Variants in HAT1 observed in about 807,000 individuals in gnomAD.
HAT1 encodes histone acetyltransferase type B catalytic subunit.
In HAT1, 20 loss-of-function variants were observed where a neutral mutation model predicts 56.6. The ratio of observed to expected loss-of-function variants is 0.35; its 90% confidence interval spans 0.25 to 0.51. The LOEUF (loss-of-function observed/expected upper bound fraction) is 0.51, where lower values mean the gene tolerates loss of function less well. Ranked by LOEUF, HAT1 falls within the 20% of genes least tolerant of loss-of-function variation. The pLI is 0.95. For synonymous variants in HAT1, 146 were observed against 165.5 expected, an observed-to-expected ratio of 0.88 and a Z score of 0.91; for missense variants, 408 against 504.3, an observed-to-expected ratio of 0.81 and a Z score of 1.83.
Position 171,983,494 on chromosome 2 carries a change from A to G in HAT1, c.*142A>G. 4.3e-6 allele frequency: 2 copies of G among 470,328 alleles called. No homozygotes were observed. The highest frequency in any genetic ancestry group is 7.6e-6 in the Non-Finnish European group (2 of 261,538). 29.1% of individuals were successfully genotyped at this position (470,328 alleles called of 1,614,324 possible). ...TCTTTAGTTGAATATTTTCTTTTGG[A>G]GAGATTGTATATTTTAAAATACTGT... On this transcript the variant is annotated 3_prime_UTR_variant, in exon 11 of 11. Transcript: ENST00000264108.
At chr2:171,959,762 A>T (rs1687531947) in intron 4 of HAT1, among the ~76,000 whole-genome samples, 1 of 152,228 alleles carries the variant, frequency 6.6e-6, no homozygotes. Context: ...TGGAGCTTAC[A>T]TTCTAGCCAA....
chr2:171,929,544 C>G (rs187880170), intron 2 of HAT1, among the ~76,000 whole-genome samples: 31 of 152,228 alleles, frequency 2.0e-4, no homozygotes, highest in African/African-American at 7.0e-4. Flanking sequence ...TTTGTCTACC[C>G]CAAGGAGATC....
chr2:171,937,509 A>G (rs1166209342), intron 2 of HAT1, among the ~76,000 whole-genome samples: 3 of 152,224 alleles, frequency 2.0e-5, no homozygotes, highest in African/African-American at 7.2e-5. Context: ...AGAAGGGCAG[A>G]CCAAGGACCA....
At chr2:171,957,590 T>C (rs1687479177) in intron 4 of HAT1, among the ~76,000 whole-genome samples, 1 of 152,286 alleles carries the variant, frequency 6.6e-6, no homozygotes, top group East Asian at 1.9e-4. Context: ...TGAGTTGATA[T>C]GGTAATGGTT....
intron 9 of HAT1, among the ~76,000 whole-genome samples, chr2:171,978,699 T>A (rs774326289): frequency 5.3e-5 from 8 of 152,212 alleles, no homozygotes; most frequent in Non-Finnish European, 8.8e-5. Flanking sequence ...GATTGGTCTC[T>A]ATGCACTTCT....
rs1209095674 is a variant in HAT1 at position 171,922,815 on chromosome 2, G to A, written c.7+308G>A. On this transcript the variant is annotated intron_variant, in intron 1 of 10. Coordinates refer to ENST00000264108, the MANE Select transcript of HAT1 (RefSeq NM_003642.4). The stretch of plus-strand genomic sequence containing the variant: ...TAAAATGCCACATGCCTTGGGGCCT[G>A]TTTCTCTTCCCATTCCTTTTGTCCA... 7 of 362,824 alleles carry A rather than the reference G, an allele frequency of 1.9e-5. No individual in the cohort carries two copies. In the East Asian group the frequency reaches 2.8e-4, roughly 15 times the overall value. 22.5% of individuals were successfully genotyped at this position (362,824 alleles called of 1,614,324 possible).
Position 171,983,469 on chromosome 2 carries a change from TC to T in HAT1, c.*118del. ...TTTTGCTTATACTAAAAGTTATCTA[TC>T]TTTAGTTGAATATTTTCTTTTGGAG... On this transcript the variant is annotated 3_prime_UTR_variant, in exon 11 of 11. Coordinates refer to ENST00000264108, the MANE Select transcript of HAT1 (RefSeq NM_003642.4). 1 of 497,290 alleles carries T rather than the reference TC, an allele frequency of 2.0e-6. No individual in the cohort carries two copies. The allele number at this position is 497,290 out of a possible 1,614,324, so 30.8% of individuals were successfully genotyped here.
At position 171,955,407 on chromosome 2, in the gene HAT1, T is replaced by C. The variant is rs539148175; in HGVS notation, c.309+2406T>C. 3.3e-5 allele frequency among the ~76,000 whole-genome samples: 5 copies of C among 150,822 alleles called. No homozygotes were observed. In the South Asian group the frequency reaches 1.1e-3, roughly 32 times the overall value. On this transcript the variant is annotated intron_variant, in intron 4 of 10. Transcript: ENST00000264108. ...CGGGAGGATCACCTGAGGTCAGGAGTTTGAGACTAGCCTGGCCAACATGGT... is the reference window on the plus strand; with the variant it reads ...CGGGAGGATCACCTGAGGTCAGGAGCTTGAGACTAGCCTGGCCAACATGGT...
At chr2:171,977,450 A>C (rs948382912) in intron 9 of HAT1, among the ~76,000 whole-genome samples, 1 of 142,448 alleles carries the variant, frequency 7.0e-6, no homozygotes, top group African/African-American at 2.5e-5. Flanking sequence ...CAACAGAGAG[A>C]GACTTCATCT....
At chr2:171,925,175 A>C (rs926814702) in intron 1 of HAT1, among the ~76,000 whole-genome samples, 1 of 147,586 alleles carries the variant, frequency 6.8e-6, no homozygotes, top group Non-Finnish European at 1.5e-5. Flanking sequence ...TGGGTTCAAG[A>C]GATTCTCCTG....
chr2:171,974,295 A>G (rs1687908356), intron 8 of HAT1, among the ~76,000 whole-genome samples: 1 of 150,754 alleles, frequency 6.6e-6, no homozygotes, highest in Non-Finnish European at 1.5e-5. Context: ...GTTTTGCACT[A>G]CTTTTGTTAA....
intron 2 of HAT1, among the ~76,000 whole-genome samples, chr2:171,941,100 G>A (rs1687007385): frequency 2.0e-5 from 3 of 152,164 alleles, no homozygotes; most frequent in Non-Finnish European, 4.4e-5. Context: ...ACTAGATGTA[G>A]CTGTACAATG....
At chr2:171,932,409 G>T (rs1162549771) in intron 2 of HAT1, among the ~76,000 whole-genome samples, 5 of 152,114 alleles carry the variant, frequency 3.3e-5, no homozygotes, top group Non-Finnish European at 7.4e-5. Flanking sequence ...AGTTTTCTTT[G>T]TTGGAAGGTT....
intron 4 of HAT1, among the ~76,000 whole-genome samples, chr2:171,957,268 G>T (rs1349962346): frequency 6.6e-6 from 1 of 152,240 alleles, no homozygotes; most frequent in Admixed American, 6.5e-5. Flanking sequence ...TTTGGGTCCA[G>T]AGGGTGGAGC....
intron 10 of HAT1, chr2:171,980,437 ATTC>A (rs1281316632): frequency 6.6e-6 from 1 of 152,088 alleles, no homozygotes; most frequent in African/African-American, 2.4e-5. Flanking sequence ...ATTTTTAAAC[ATTC>A]TTCTTGCCCT....
intron 2 of HAT1, among the ~76,000 whole-genome samples, chr2:171,940,278 T>C (rs1686986454): frequency 6.6e-6 from 1 of 152,188 alleles, no homozygotes; most frequent in Non-Finnish European, 1.5e-5. Flanking sequence ...GAAAAATATA[T>C]TGCACAAAAA....
chr2:171,977,037 T>C (rs188397880), intron 9 of HAT1, among the ~76,000 whole-genome samples: 71 of 152,212 alleles, frequency 4.7e-4, no homozygotes, highest in African/African-American at 1.5e-3. Flanking sequence ...CTGGTCATGG[T>C]GGCATGCGCC....
chr2:171,970,499 T>TC (rs1687787978), intron 8 of HAT1, among the ~76,000 whole-genome samples: 1 of 4,810 alleles, frequency 2.1e-4, no homozygotes, highest in African/African-American at 3.7e-4. Flanking sequence ...GCAGTTTCTT[T>TC]TTTTTTTTTT....
At position 171,966,938 on chromosome 2, in the gene HAT1, T is replaced by G. The variant is rs1349307831; in HGVS notation, c.812T>G (p.Leu271Arg). The change falls in exon 8 of 11, where the codon CTT becomes CGT. Residue 271 changes from leucine (L) to arginine (R), a missense_variant. Transcript: ENST00000264108. The part of the protein sequence containing the change: ...HRYYTEFPTV[L>R]DITAEDPSKS... The stretch of plus-strand genomic sequence containing the variant: ...TACTACACTGAATTTCCTACAGTTC[T>G]TGATATTACAGGTATGTAAAATTTG... The G allele has an allele frequency of 7.1e-7, 1 of 1,416,318 alleles. No individual in the cohort carries two copies. Among genetic ancestry groups the G allele is most frequent in the East Asian group, 2.3e-5 (1 of 43,770 alleles). The allele number at this position is 1,416,318 out of a possible 1,614,324, so 87.7% of individuals were successfully genotyped here.
Sources: allele counts gnomAD v4.1 joint callset (sites outside exome capture counted in the v4.1 genomes callset), GRCh38; gene constraint gnomAD v4.1.1; transcripts MANE v1.5; gene names NCBI Gene and HGNC (gene_info 2026-07-23, HGNC 2026-07-21).